The following SPOCK3 variants were observed in gnomAD, a reference collection of about 807,000 sequenced individuals.
SPOCK3 encodes the protein testican-3.
Under a neutral mutation model 56.6 loss-of-function variants are expected in SPOCK3, and 30 were observed. The ratio of observed to expected loss-of-function variants is 0.53; its 90% CI spans 0.40 to 0.72. The LOEUF is 0.72. SPOCK3 is among the 30% of genes least tolerant of loss of function. The pLI is 0.00. For synonymous variants in SPOCK3, 196 were observed against 183.3 expected (o/e 1.07, Z -0.56); for missense variants, 527 against 530.0 (o/e 0.99, Z 0.06).
At chr4:166,954,084 T>TA (rs112199696) in intron 4 of SPOCK3, among the ~76,000 whole-genome samples, 85 of 151,528 alleles carry the variant, frequency 5.6e-4, no homozygotes, top group Middle Eastern at 6.8e-3. Context: ...TAAAGTATAA[T>TA]AAAAAAAAAG....
At chr4:166,887,907 T>C (rs17520441) in intron 6 of SPOCK3, among the ~76,000 whole-genome samples, 3,042 of 151,608 alleles carry the variant, frequency 0.02, 47 homozygotes, top group Non-Finnish European at 0.031. Context: ...GCGTGGCATC[T>C]CTCTTCTACC....
At chr4:166,931,847 A>G (rs1739822848) in intron 4 of SPOCK3, among the ~76,000 whole-genome samples, 2 of 152,182 alleles carry the variant, frequency 1.3e-5, no homozygotes, top group African/African-American at 4.8e-5. Flanking sequence ...CATTAGGCAG[A>G]AAATTGTTGG....
chr4:166,831,701 A>G (rs1185122266), intron 6 of SPOCK3, among the ~76,000 whole-genome samples: 6 of 139,010 alleles, frequency 4.3e-5, no homozygotes, highest in Admixed American at 1.4e-4. Flanking sequence ...TATTATATGG[A>G]CCTATTTTTT....
intron 8 of SPOCK3, among the ~76,000 whole-genome samples, chr4:166,746,857 T>A (rs13147918): frequency 0.79 from 119,716 of 151,638 alleles, 47,496 homozygotes; most frequent in South Asian, 0.82. Flanking sequence ...TGTAAACACC[T>A]TTACACAAAT....
chr4:166,799,868 A>C (rs1742352025), intron 6 of SPOCK3, among the ~76,000 whole-genome samples: 1 of 152,028 alleles, frequency 6.6e-6, no homozygotes, highest in African/African-American at 2.4e-5. Flanking sequence ...AGCTTTGCAG[A>C]CCTCAACAAG....
chr4:167,031,574 G>A (rs1050030975), intron 3 of SPOCK3, among the ~76,000 whole-genome samples: 2 of 151,922 alleles, frequency 1.3e-5, no homozygotes, highest in Non-Finnish European at 1.5e-5. Context: ...TTGAATTACA[G>A]AGCCAAAAGT....
In SPOCK3 at chr4:166,939,512, C is replaced by A. The variant is rs540015997; in HGVS notation, c.351-26769G>T. ...AGACCAAATAGATGTAAAATTGTGA[C>A]TACCAAAGTACAAGGAAGGAAATCC... On this transcript the variant is annotated intron_variant, in intron 4 of 10. Coordinates refer to ENST00000357545, the MANE Select transcript of SPOCK3 (RefSeq NM_001040159.2). 3.3e-5 allele frequency among the ~76,000 whole-genome samples: 5 copies of A among 152,078 alleles called. No homozygotes were observed. The East Asian group carries it at 9.7e-4, about 29-fold the overall frequency.
intron 3 of SPOCK3, among the ~76,000 whole-genome samples, chr4:167,004,881 G>A (rs141484218): frequency 6.6e-6 from 1 of 152,254 alleles, no homozygotes; most frequent in East Asian, 1.9e-4. Flanking sequence ...TGAAATGCCT[G>A]TGGTGACATC....
chr4:167,092,160 G>A (rs976618661), intron 2 of SPOCK3, among the ~76,000 whole-genome samples: 1 of 152,094 alleles, frequency 6.6e-6, no homozygotes, highest in African/African-American at 2.4e-5. Context: ...AAGTAGGGTG[G>A]GGTGTCGCCT....
chr4:166,860,802 C>CATATATATACATATATATATAT (rs1553989681), intron 6 of SPOCK3, among the ~76,000 whole-genome samples: 1 of 101,938 alleles, frequency 9.8e-6, no homozygotes, highest in African/African-American at 3.8e-5. Context: ...CACACAAATT[C>CATATATATACATATATATATAT]ATATATATAT....
At chr4:167,012,722 C>T (rs1420345428) in intron 3 of SPOCK3, among the ~76,000 whole-genome samples, 1 of 151,864 alleles carries the variant, frequency 6.6e-6, no homozygotes, top group Non-Finnish European at 1.5e-5. Context: ...TGTGTGCTCT[C>T]ACAAAAAATG....
At chr4:167,196,424 G>T (rs1160949198) in intron 2 of SPOCK3, among the ~76,000 whole-genome samples, 2 of 151,260 alleles carry the variant, frequency 1.3e-5, no homozygotes, top group Non-Finnish European at 3.0e-5. Flanking sequence ...TGTGTCAGTA[G>T]TCTGGACACA....
intron 6 of SPOCK3, among the ~76,000 whole-genome samples, chr4:166,840,940 G>A (rs573252895): frequency 1.7e-3 from 262 of 151,684 alleles, no homozygotes; most frequent in Non-Finnish European, 3.1e-3. Flanking sequence ...CACCACGCCC[G>A]GCTAATTTTT....
chr4:166,776,696 A>G (rs1292133973), intron 7 of SPOCK3, among the ~76,000 whole-genome samples: 1 of 152,174 alleles, frequency 6.6e-6, no homozygotes, highest in African/African-American at 2.4e-5. Flanking sequence ...CTCAAGGACT[A>G]AGTTAAGGAA....
At chr4:166,771,991 T>C (rs1438542607) in intron 7 of SPOCK3, among the ~76,000 whole-genome samples, 2 of 152,046 alleles carry the variant, frequency 1.3e-5, no homozygotes, top group Non-Finnish European at 2.9e-5. Context: ...ATGAAGAATA[T>C]TCAGTCAAAA....
At chr4:167,199,463 T>C (rs980350742) in intron 2 of SPOCK3, among the ~76,000 whole-genome samples, 2 of 151,992 alleles carry the variant, frequency 1.3e-5, no homozygotes, top group African/African-American at 4.8e-5. Context: ...GAACAAAGAC[T>C]GGCCCCTTGC....
chr4:167,109,776 A>T lies in SPOCK3; in HGVS notation c.190-47239T>A, dbSNP rs1487778070. Among the ~76,000 whole-genome samples, 5 of 151,416 alleles carry T rather than the reference A, an allele frequency of 3.3e-5. No individual in the cohort carries two copies. The Admixed American group carries it at 3.3e-4, about 10-fold the overall frequency. On this transcript the variant is annotated intron_variant, in intron 2 of 10. Transcript: ENST00000357545. Reference sequence around the variant, plus strand: ...AAAGAAGAAAAAAGAAAACAGAGAAAAACCAAAATACTATATGAAGGAGCA... The same window carrying T: ...AAAGAAGAAAAAAGAAAACAGAGAATAACCAAAATACTATATGAAGGAGCA...
At chr4:166,974,177 G>T (rs1211204597) in intron 4 of SPOCK3, among the ~76,000 whole-genome samples, 1 of 152,070 alleles carries the variant, frequency 6.6e-6, no homozygotes, top group Non-Finnish European at 1.5e-5. Context: ...AAATAGGTAA[G>T]ATTACTGTGA....
At chr4:166,823,607 C>T (rs1471549833) in intron 6 of SPOCK3, among the ~76,000 whole-genome samples, 1 of 152,048 alleles carries the variant, frequency 6.6e-6, no homozygotes, top group Non-Finnish European at 1.5e-5. Flanking sequence ...GATCCTGCAG[C>T]AAGTCACTAG....
Sources: allele counts gnomAD v4.1 joint callset (sites outside exome capture counted in the v4.1 genomes callset), GRCh38; gene constraint gnomAD v4.1.1; transcripts MANE v1.5; gene names NCBI Gene and HGNC (gene_info 2026-07-23, HGNC 2026-07-21).